The following RGMB variants were observed in gnomAD, a reference collection of about 807,000 sequenced individuals.
The protein encoded by RGMB is repulsive guidance molecule BMP co-receptor b, also known as repulsive guidance molecule B.
Under a neutral mutation model 26.9 loss-of-function variants are expected in RGMB, and 16 were observed. That is an observed-to-expected ratio of 0.60 (90% CI 0.40 to 0.90). RGMB has a LOEUF of 0.90. RGMB is among the 40% of genes least tolerant of loss of function. The probability of loss-of-function intolerance (pLI) is 0.00; values close to 1 mark genes in which losing one functional copy is unlikely to be tolerated. For missense variants in RGMB, 512 were observed against 573.3 expected (o/e 0.89, Z 1.09); for synonymous variants, 225 against 229.3 (o/e 0.98, Z 0.17).
chr5:98,769,099 T>C (rs1376701594), upstream of RGMB, among the ~76,000 whole-genome samples: 1 of 152,012 alleles, frequency 6.6e-6, no homozygotes, highest in Admixed American at 6.5e-5. Context: ...AAAGGCGTCT[T>C]TGTGCAAGAT....
intron 2 of RGMB, among the ~76,000 whole-genome samples, chr5:98,790,449 C>T (rs1209791954): frequency 1.3e-5 from 2 of 151,944 alleles, no homozygotes; most frequent in Non-Finnish European, 2.9e-5. Context: ...GGTGTAGATA[C>T]TAGAGCAGAA....
Position 98,774,121 on chromosome 5 carries a change from T to G in RGMB, c.51T>G (p.Val17=), listed in dbSNP as rs1746294665. 2 of 1,423,290 alleles carry G rather than the reference T, an allele frequency of 1.4e-6. No individual in the cohort carries two copies. Among genetic ancestry groups the G allele is most frequent in the Non-Finnish European group, 1.9e-6 (2 of 1,059,008 alleles). 88.2% of individuals were successfully genotyped at this position (1,423,290 alleles called of 1,614,324 possible). A position where few individuals can be genotyped will look rare whatever the true frequency, so the allele number is the denominator to read the frequency against. ...GCGCCGCCGCTGCCGCCGCCGAGGT[T>G]GAGCAGCGCCGCAGCCCCGGGCTCT... The part of the protein sequence containing the change: ...PSSAAAAAAE[V]EQRRSPGLCP... Residue 17 remains valine, a synonymous_variant, in exon 1 of 3, where the codon GTT becomes GTG. Coordinates refer to ENST00000513185, the MANE Select transcript of RGMB (RefSeq NM_001366508.1).
At chr5:98,784,463 A>G (rs1378912323) in intron 2 of RGMB, among the ~76,000 whole-genome samples, 2 of 152,216 alleles carry the variant, frequency 1.3e-5, no homozygotes, top group Non-Finnish European at 2.9e-5. Flanking sequence ...TGTAAGAAAC[A>G]CCATTACCTT....
rs1468517593 is a variant in RGMB at position 98,793,680 on chromosome 5, G to A, written c.1241G>A (p.Gly414Glu). The A allele has an allele frequency of 2.5e-6, 4 of 1,613,232 alleles. No individual in the cohort carries two copies. The highest frequency in any genetic ancestry group is 1.6e-4 in the Middle Eastern group (1 of 6,062). The change falls in exon 3 of 3, where the codon GGG becomes GAG. Residue 414 changes from glycine to glutamate, a missense_variant. Coordinates refer to ENST00000513185, the MANE Select transcript of RGMB (RefSeq NM_001366508.1). ...CACATTTTCCCCAGCAGTGGCAATG[G>A]GACTCCCCGTGGAGGCAGTGATTTG... ...RWHIFPSSGN[G>E]TPRGGSDLSV...
In RGMB at chr5:98,795,875, ATAC is replaced by A. The variant is rs1470451305; in HGVS notation, c.*2123_*2125del. ...TTTAGAGTGTGTATCATTAATAAAT[ATAC>A]CTTTGCTCTTTTCAGGGAAAATAAC... On this transcript the variant is annotated 3_prime_UTR_variant, in exon 3 of 3. Transcript: ENST00000513185. 21 of 152,218 alleles carry A rather than the reference ATAC, an allele frequency of 1.4e-4. No homozygotes were observed. The highest frequency in any genetic ancestry group is 1.4e-3 in the Admixed American group (21 of 15,288). 9.4% of individuals were successfully genotyped at this position (152,218 alleles called of 1,614,324 possible). A position where few individuals can be genotyped will look rare whatever the true frequency, so the allele number is the denominator to read the frequency against.
chr5:98,793,627 G>A lies in RGMB; in HGVS notation c.1188G>A (p.Glu396=). The change falls in exon 3 of 3, where the codon GAG becomes GAA. Residue 396 remains glutamate, a synonymous_variant. Coordinates refer to ENST00000513185, the MANE Select transcript of RGMB (RefSeq NM_001366508.1). ...CCCACAGTGCCTTGGAGGATGTGGA[G>A]GCCCTGCACCCAAGGAAGGAACGCT... ...AAAHSALEDV[E]ALHPRKERWH... 1 of 1,614,046 alleles carries A rather than the reference G, an allele frequency of 6.2e-7. No individual in the cohort carries two copies. The highest frequency in any genetic ancestry group is 8.5e-7 in the Non-Finnish European group (1 of 1,179,888).
intron 1 of RGMB, among the ~76,000 whole-genome samples, chr5:98,779,119 G>T (rs562100577): frequency 6.6e-6 from 1 of 152,028 alleles, no homozygotes; most frequent in African/African-American, 2.4e-5. Context: ...TCCTGAAGTG[G>T]GGAGGTTTTA....
chr5:98,791,481 G>C (rs1268503407), intron 2 of RGMB, among the ~76,000 whole-genome samples: 2 of 152,024 alleles, frequency 1.3e-5, no homozygotes, highest in Non-Finnish European at 2.9e-5. Flanking sequence ...AGGACTTCGG[G>C]TGGGCAGGCG....
upstream of RGMB, among the ~76,000 whole-genome samples, chr5:98,772,130 C>A (rs910054471): frequency 6.6e-6 from 1 of 152,152 alleles, no homozygotes; most frequent in African/African-American, 2.4e-5. Flanking sequence ...ACTTCCTCCC[C>A]AAAAGTCATT....
chr5:98,792,210 A>G (rs548152629), intron 2 of RGMB, among the ~76,000 whole-genome samples: 10 of 152,072 alleles, frequency 6.6e-5, no homozygotes, highest in African/African-American at 2.2e-4. Flanking sequence ...CCCCTCCTCA[A>G]CTCTTTCTCT....
At chr5:98,787,157 C>T (rs954251143) in intron 2 of RGMB, among the ~76,000 whole-genome samples, 8 of 152,206 alleles carry the variant, frequency 5.3e-5, no homozygotes, top group African/African-American at 7.2e-5. Flanking sequence ...TGTAGGATTT[C>T]GGTTAACTCA....
upstream of RGMB, chr5:98,773,213 G>C (rs1336049463): frequency 6.6e-6 from 1 of 151,220 alleles, no homozygotes; most frequent in African/African-American, 2.5e-5. Context: ...AAGCTGGCAG[G>C]GCCAGGGCAG....
intron 1 of RGMB, among the ~76,000 whole-genome samples, chr5:98,777,471 T>A (rs1746453131): frequency 6.6e-6 from 1 of 152,220 alleles, no homozygotes; most frequent in Non-Finnish European, 1.5e-5. Context: ...AGTACTGTCA[T>A]TGCAGTTAGG....
intron 1 of RGMB, among the ~76,000 whole-genome samples, chr5:98,774,643 G>A (rs113114159): frequency 6.6e-5 from 10 of 152,350 alleles, no homozygotes; most frequent in African/African-American, 2.2e-4. Context: ...TCTGGAGTTG[G>A]GGGTGGCGGC....
At position 98,774,148 on chromosome 5, in the gene RGMB, C is replaced by A. The variant is rs750330959; in HGVS notation, c.78C>A (p.Cys26Ter). Residue 26 changes from cysteine (C) to a stop codon, truncating the protein, a stop_gained, in exon 1 of 3, where the codon TGC (cysteine) becomes TGA (stop). Coordinates refer to ENST00000513185, the MANE Select transcript of RGMB (RefSeq NM_001366508.1). LOFTEE classifies it high-confidence loss of function. ...AGCAGCGCCGCAGCCCCGGGCTCTGCCCCCCGCCGCTGGAGCTGCTGCTGC... is the reference window on the plus strand; with the variant it reads ...AGCAGCGCCGCAGCCCCGGGCTCTGACCCCCGCCGCTGGAGCTGCTGCTGC... ...EVEQRRSPGL[C>*]PPPLELLLLL... is the part of the protein sequence containing the mutation. 1 of 1,490,546 alleles carries A rather than the reference C, an allele frequency of 6.7e-7. No individual in the cohort carries two copies. 92.3% of individuals were successfully genotyped at this position (1,490,546 alleles called of 1,614,324 possible).
rs1747128484 is a variant in RGMB at position 98,796,349 on chromosome 5, AC to A, written c.*2597del. On this transcript the variant is annotated 3_prime_UTR_variant, in exon 3 of 3. Transcript: ENST00000513185. The stretch of plus-strand genomic sequence containing the variant: ...ATGCTTGGAAGCTCCCCCCCCCCCA[AC>A]AGTGTGTCGAGTCTTTGCAAAGAAA... 1.7e-5 allele frequency: 1 copy of A among 59,470 alleles called. No homozygotes were observed. Among genetic ancestry groups the A allele is most frequent in the Non-Finnish European group, 3.3e-5 (1 of 29,922 alleles). 3.7% of individuals were successfully genotyped at this position (59,470 alleles called of 1,614,324 possible).
chr5:98,784,439 C>G (rs961292121), intron 2 of RGMB, among the ~76,000 whole-genome samples: 10 of 152,158 alleles, frequency 6.6e-5, no homozygotes, highest in Non-Finnish European at 1.2e-4. Flanking sequence ...ACTCTGTAAC[C>G]TACAGTTTTC....
intron 2 of RGMB, among the ~76,000 whole-genome samples, chr5:98,786,196 C>T (rs1746762128): frequency 6.6e-6 from 1 of 152,192 alleles, no homozygotes. Flanking sequence ...CTGTGCCACT[C>T]CTTCTGTCCC....
Position 98,796,447 on chromosome 5 carries a change from TTTAAA to T in RGMB, c.*2698_*2702del, listed in dbSNP as rs758390289. 8.6e-5 allele frequency: 13 copies of T among 150,942 alleles called. No homozygotes were observed. Among genetic ancestry groups the T allele is most frequent in the East Asian group, 3.9e-4 (2 of 5,102 alleles). 9.4% of individuals were successfully genotyped at this position (150,942 alleles called of 1,614,324 possible). A position where few individuals can be genotyped will look rare whatever the true frequency, so the allele number is the denominator to read the frequency against. ...CAGTGAGTGTGCAGTGTGTAAATACTTTAAATTATTATGCTAGAAAAATAAAGTTA... is the reference window on the plus strand; with the variant it reads ...CAGTGAGTGTGCAGTGTGTAAATACTTTATTATGCTAGAAAAATAAAGTTA... On this transcript the variant is annotated 3_prime_UTR_variant, in exon 3 of 3. Transcript: ENST00000513185.
Sources: gnomAD v4.1 joint callset for allele counts (sites outside exome capture counted in the v4.1 genomes callset) on GRCh38, gnomAD v4.1.1 for gene constraint, MANE v1.5 for transcripts, NCBI Gene and HGNC (gene_info 2026-07-23, HGNC 2026-07-21) for gene names.